CADM2: variants seen among roughly 807,000 people sequenced by gnomAD.
The protein encoded by CADM2 is cell adhesion molecule 2.
In CADM2, 12 loss-of-function variants were observed where a neutral mutation model predicts 49.8. That is an observed-to-expected ratio of 0.24 (90% CI 0.15 to 0.39). The LOEUF (loss-of-function observed/expected upper bound fraction) is 0.39, where lower values mean the gene tolerates loss of function less well. CADM2 is among the 10% of genes least tolerant of loss of function. CADM2 has a pLI of 1.00. For synonymous variants in CADM2, 214 were observed against 175.4 expected, an observed-to-expected ratio of 1.22 and a Z score of -1.74; for missense variants, 378 against 492.3, an observed-to-expected ratio of 0.77 and a Z score of 2.20.
At chr3:85,240,382 T>G (rs918137291) in intron 1 of CADM2, among the ~76,000 whole-genome samples, 3 of 151,524 alleles carry the variant, frequency 2.0e-5, no homozygotes, top group African/African-American at 7.3e-5. Context: ...AGATATTACT[T>G]TAAGAAAATG....
chr3:85,337,948 G>T (rs1043266448), intron 1 of CADM2, among the ~76,000 whole-genome samples: 2 of 151,536 alleles, frequency 1.3e-5, no homozygotes, highest in African/African-American at 4.8e-5. Context: ...ATACTGTAGG[G>T]ATACATTTAC....
chr3:86,047,854 A>G (rs1736853427), intron 8 of CADM2, among the ~76,000 whole-genome samples: 1 of 152,166 alleles, frequency 6.6e-6, no homozygotes, highest in Non-Finnish European at 1.5e-5. Flanking sequence ...AATTAAACTT[A>G]GCAGATGTTA....
At chr3:85,937,640 A>T (rs753003258) in intron 7 of CADM2, among the ~76,000 whole-genome samples, 4 of 152,020 alleles carry the variant, frequency 2.6e-5, no homozygotes, top group African/African-American at 9.7e-5. Context: ...AATAATTTTC[A>T]TCACTGAAGT....
At chr3:85,040,703 C>A (rs1240646040) in intron 1 of CADM2, among the ~76,000 whole-genome samples, 1 of 152,188 alleles carries the variant, frequency 6.6e-6, no homozygotes, top group African/African-American at 2.4e-5. Flanking sequence ...AACACAAGCA[C>A]AGTCCTGAAA....
At chr3:85,109,978 C>T (rs1431086691) in intron 1 of CADM2, among the ~76,000 whole-genome samples, 2 of 151,826 alleles carry the variant, frequency 1.3e-5, no homozygotes, top group African/African-American at 4.8e-5. Flanking sequence ...AAGACAATCC[C>T]CCATTTACCT....
chr3:85,581,201 A>C (rs1429739092), intron 1 of CADM2, among the ~76,000 whole-genome samples: 1 of 152,108 alleles, frequency 6.6e-6, no homozygotes, highest in Non-Finnish European at 1.5e-5. Flanking sequence ...GTTCTTTTAA[A>C]ACTTTTCAAT....
chr3:85,371,086 A>G (rs1489738582), intron 1 of CADM2, among the ~76,000 whole-genome samples: 2 of 152,192 alleles, frequency 1.3e-5, no homozygotes, highest in Non-Finnish European at 2.9e-5. Flanking sequence ...TTCTAAAAGC[A>G]TAAAAAGTTT....
At chr3:85,306,907 G>A (rs1371693734) in intron 1 of CADM2, among the ~76,000 whole-genome samples, 1 of 151,572 alleles carries the variant, frequency 6.6e-6, no homozygotes, top group Non-Finnish European at 1.5e-5. Context: ...TATATGTGCA[G>A]ATCAAAGATA....
intron 3 of CADM2, among the ~76,000 whole-genome samples, chr3:85,854,439 C>T (rs1577480839): frequency 6.6e-6 from 1 of 152,236 alleles, no homozygotes; most frequent in Non-Finnish European, 1.5e-5. Context: ...CCATGGAATA[C>T]TATGCAGCCA....
intron 7 of CADM2, among the ~76,000 whole-genome samples, chr3:85,954,124 A>G (rs1394158529): frequency 6.6e-6 from 1 of 151,060 alleles, no homozygotes; most frequent in Non-Finnish European, 1.5e-5. Context: ...AAAAGTATGA[A>G]ATCAATACCA....
rs201576346 is a variant in CADM2 at position 85,314,357 on chromosome 3, G to GT, written c.61+354698dup. ...AAAAACCACACTGTTGCAATTTTCT[G>GT]TTTTTTTTTAACAAAGGACAAAATA... On this transcript the variant is annotated intron_variant, in intron 1 of 9. Coordinates refer to ENST00000383699, the MANE Select transcript of CADM2 (RefSeq NM_001167675.2). Among the ~76,000 whole-genome samples, 217 of 148,976 alleles carry GT rather than the reference G, an allele frequency of 1.5e-3. 1 individual carries two copies. The highest frequency in any genetic ancestry group is 8.6e-3 in the East Asian group (44 of 5,116).
intron 6 of CADM2, among the ~76,000 whole-genome samples, chr3:85,922,668 T>C (rs923895959): frequency 6.6e-5 from 10 of 152,192 alleles, no homozygotes; most frequent in African/African-American, 2.4e-4. Context: ...TTGGTTCTTC[T>C]TTCACTAGCA....
At position 85,064,629 on chromosome 3, in the gene CADM2, C is replaced by T. The variant is rs2036458594; in HGVS notation, c.61+104961C>T. Among the ~76,000 whole-genome samples, 2 of 151,992 alleles carry T rather than the reference C, an allele frequency of 1.3e-5. 1 individual carries two copies. Among genetic ancestry groups the T allele is most frequent in the South Asian group, 4.1e-4 (2 of 4,830 alleles). ...TTATTTTGTTCATAGAGAAGAAGGGCTATTCTTAAAGAACAGCTTTTCTAC... is the reference window on the plus strand; with the variant it reads ...TTATTTTGTTCATAGAGAAGAAGGGTTATTCTTAAAGAACAGCTTTTCTAC... On this transcript the variant is annotated intron_variant, in intron 1 of 9. Coordinates refer to ENST00000383699, the MANE Select transcript of CADM2 (RefSeq NM_001167675.2).
chr3:85,745,870 C>A (rs566091346), intron 2 of CADM2, among the ~76,000 whole-genome samples: 6 of 152,062 alleles, frequency 3.9e-5, no homozygotes, highest in Non-Finnish European at 7.4e-5. Context: ...TTGTTAATTT[C>A]TCTTTTGCCT....
chr3:86,048,802 G>C (rs889912544), intron 8 of CADM2, among the ~76,000 whole-genome samples: 1 of 151,992 alleles, frequency 6.6e-6, no homozygotes, highest in Non-Finnish European at 1.5e-5. Context: ...GTATTCTGCT[G>C]GATGCCCTAC....
chr3:85,922,380 G>T (rs893534531), intron 6 of CADM2, among the ~76,000 whole-genome samples: 8 of 151,068 alleles, frequency 5.3e-5, no homozygotes, highest in African/African-American at 1.9e-4. Context: ...TCTACTATCT[G>T]GGCCACACTT....
intron 1 of CADM2, among the ~76,000 whole-genome samples, chr3:85,707,770 G>T (rs1006217470): frequency 1.3e-5 from 2 of 152,042 alleles, no homozygotes; most frequent in African/African-American, 4.8e-5. Context: ...TTAAGTATAA[G>T]ATTTCCTTCC....
intron 2 of CADM2, among the ~76,000 whole-genome samples, chr3:85,731,136 G>A (rs1039535185): frequency 6.6e-6 from 1 of 152,026 alleles, no homozygotes; most frequent in Non-Finnish European, 1.5e-5. Context: ...CTGCTATAAA[G>A]CCAAAATATG....
intron 8 of CADM2, among the ~76,000 whole-genome samples, chr3:86,000,684 GA>G (rs564561176): frequency 0.032 from 4,338 of 136,086 alleles, 90 homozygotes; most frequent in Middle Eastern, 0.079. Context: ...GGAACAGAAA[GA>G]AAAAAAAAAA....
Sources: allele counts gnomAD v4.1 joint callset (sites outside exome capture counted in the v4.1 genomes callset), GRCh38; gene constraint gnomAD v4.1.1; transcripts MANE v1.5; gene names NCBI Gene and HGNC (gene_info 2026-07-23, HGNC 2026-07-21).